LUC7L2: variants seen among roughly 807,000 people sequenced by gnomAD.
LUC7L2 encodes putative RNA-binding protein Luc7-like 2.
Under a neutral mutation model 52.8 loss-of-function variants are expected in LUC7L2, and 25 were observed. That is an observed-to-expected ratio of 0.47 (90% CI 0.34 to 0.66). The LOEUF (loss-of-function observed/expected upper bound fraction) is 0.66, where lower values mean the gene tolerates loss of function less well. Ranked by LOEUF, LUC7L2 falls within the 30% of genes least tolerant of loss-of-function variation. LUC7L2 has a pLI of 0.01. For missense variants in LUC7L2, 328 were observed against 497.8 expected, an observed-to-expected ratio of 0.66 and a Z score of 3.25; for synonymous variants, 144 against 160.9, an observed-to-expected ratio of 0.89 and a Z score of 0.80.
intron 1 of LUC7L2, among the ~76,000 whole-genome samples, chr7:139,369,779 T>A (rs1479086206): frequency 6.6e-6 from 1 of 152,234 alleles, no homozygotes. Flanking sequence ...CATCACATTT[T>A]AAAAATGTTT....
intron 1 of LUC7L2, among the ~76,000 whole-genome samples, chr7:139,363,870 C>G (rs932135396): frequency 5.4e-4 from 81 of 149,056 alleles, no homozygotes; most frequent in African/African-American, 1.9e-3. Context: ...CCTTTGCCAA[C>G]AAACACAGTT....
intron 7 of LUC7L2, among the ~76,000 whole-genome samples, chr7:139,411,806 G>A (rs756993529): frequency 6.6e-5 from 10 of 152,116 alleles, no homozygotes; most frequent in Non-Finnish European, 1.5e-4. Context: ...TGAGGTTGTA[G>A]CTCCAAGAGT....
intron 5 of LUC7L2, among the ~76,000 whole-genome samples, chr7:139,406,641 A>G (rs900975421): frequency 6.6e-6 from 1 of 152,094 alleles, no homozygotes; most frequent in African/African-American, 2.4e-5. Flanking sequence ...GGCGTGAGCC[A>G]CCCGGCCTGG....
chr7:139,385,828 A>T (rs1794170851), intron 2 of LUC7L2, among the ~76,000 whole-genome samples: 1 of 152,108 alleles, frequency 6.6e-6, no homozygotes, highest in Non-Finnish European at 1.5e-5. Context: ...TATTTCCTGG[A>T]CCCTCCAGAT....
chr7:139,377,660 G>A (rs1033991999), intron 2 of LUC7L2, among the ~76,000 whole-genome samples: 12 of 152,022 alleles, frequency 7.9e-5, no homozygotes, highest in African/African-American at 2.9e-4. Context: ...CCAAAGTACT[G>A]GGATTACAGG....
In LUC7L2 at chr7:139,423,360, A is replaced by T. The variant is rs1795975622; in HGVS notation, c.*1020A>T. ...TCCAGCCACTTCAGGGTTGTTTGTAATGACCGTTATAGAGAAGGGCTCGAC... is the reference window on the plus strand; with the variant it reads ...TCCAGCCACTTCAGGGTTGTTTGTATTGACCGTTATAGAGAAGGGCTCGAC... On this transcript the variant is annotated 3_prime_UTR_variant, in exon 10 of 10. Coordinates refer to ENST00000354926, the MANE Select transcript of LUC7L2 (RefSeq NM_016019.5). 2.5e-6 allele frequency: 1 copy of T among 398,852 alleles called. No homozygotes were observed. The highest frequency in any genetic ancestry group is 2.1e-5 in the African/African-American group (1 of 48,626). The allele number at this position is 398,852 out of a possible 1,614,324, so 24.7% of individuals were successfully genotyped here. A position where few individuals can be genotyped will look rare whatever the true frequency, so the allele number is the denominator to read the frequency against.
intron 1 of LUC7L2, among the ~76,000 whole-genome samples, chr7:139,361,269 C>T (rs1257200415): frequency 1.3e-5 from 2 of 152,172 alleles, no homozygotes; most frequent in Non-Finnish European, 2.9e-5. Context: ...CTTAACACAG[C>T]AAAATCCTTG....
At chr7:139,359,456 A>T (rs1169868173), upstream of LUC7L2, 4 of 175,832 alleles carry the variant, frequency 2.3e-5, no homozygotes, top group East Asian at 4.6e-4. Flanking sequence ...GCGCACGAGA[A>T]CCAGGACGCG....
At chr7:139,374,796 T>G in intron 1 of LUC7L2, 1 of 1,119,214 alleles carries the variant, frequency 8.9e-7, no homozygotes, top group Non-Finnish European at 1.1e-6. Context: ...CTAAAAATGA[T>G]AGTGTTTAGT....
Position 139,405,638 on chromosome 7 carries a change from T to C in LUC7L2, c.367-6T>C. 3 of 1,582,694 alleles carry C rather than the reference T, an allele frequency of 1.9e-6. No homozygotes were observed. Among genetic ancestry groups the C allele is most frequent in the Middle Eastern group, 3.4e-4 (2 of 5,906 alleles). On this transcript the variant is annotated splice_region_variant and splice_polypyrimidine_tract_variant and intron_variant, in intron 4 of 9. Coordinates refer to ENST00000354926, the MANE Select transcript of LUC7L2 (RefSeq NM_016019.5). Reference sequence around the variant, plus strand: ...ATTCATGATCTTCTTTTTTATTTCTTTTTAGGCAGAACGTGTTCATGAGTT... The same window carrying C: ...ATTCATGATCTTCTTTTTTATTTCTCTTTAGGCAGAACGTGTTCATGAGTT...
chr7:139,367,716 C>T (rs1003694417), intron 1 of LUC7L2, among the ~76,000 whole-genome samples: 6 of 152,316 alleles, frequency 3.9e-5, no homozygotes, highest in African/African-American at 1.2e-4. Context: ...GACAGAAATA[C>T]AAGCCTGTGA....
chr7:139,390,268 AT>A (rs1204945322), intron 2 of LUC7L2, among the ~76,000 whole-genome samples: 2 of 126,280 alleles, frequency 1.6e-5, no homozygotes, highest in Admixed American at 8.1e-5. Context: ...TTTTATTTTT[AT>A]TTTTTTTGGA....
rs1799785482 is a variant in LUC7L2 at position 139,360,115 on chromosome 7, C to T, written c.-147C>T. On this transcript the variant is annotated 5_prime_UTR_variant, in exon 1 of 10. Coordinates refer to ENST00000354926, the MANE Select transcript of LUC7L2 (RefSeq NM_016019.5). Reference sequence around the variant, plus strand: ...GCGCAGTCCGGACTCTTCCCGCAACCCCTCCGGCTCCCTTTCCGCACGCCT... The same window carrying T: ...GCGCAGTCCGGACTCTTCCCGCAACTCCTCCGGCTCCCTTTCCGCACGCCT... 5.0e-6 allele frequency: 3 copies of T among 596,756 alleles called. No homozygotes were observed. The highest frequency in any genetic ancestry group is 1.9e-5 in the African/African-American group (1 of 51,626). The allele number at this position is 596,756 out of a possible 1,614,324, so 37.0% of individuals were successfully genotyped here. A position where few individuals can be genotyped will look rare whatever the true frequency, so the allele number is the denominator to read the frequency against.
intron 1 of LUC7L2, among the ~76,000 whole-genome samples, chr7:139,340,898 ATC>A (rs1284612075): frequency 6.6e-6 from 1 of 151,700 alleles, no homozygotes; most frequent in African/African-American, 2.4e-5. Flanking sequence ...ATTTTCGAGA[ATC>A]TGCACACACC....
intron 2 of LUC7L2, among the ~76,000 whole-genome samples, chr7:139,389,131 G>A (rs965083235): frequency 2.7e-5 from 4 of 150,590 alleles, no homozygotes; most frequent in African/African-American, 4.9e-5. Flanking sequence ...TTTGACCCCA[G>A]TGGCTTTATT....
At chr7:139,359,860 C>T (rs1232690466), upstream of LUC7L2, 2 of 409,880 alleles carry the variant, frequency 4.9e-6, no homozygotes, top group East Asian at 7.1e-5. Flanking sequence ...GGTGGAGCCC[C>T]CGCGGGAAAC....
At chr7:139,353,433 C>A (rs745829534) in intron 1 of LUC7L2, among the ~76,000 whole-genome samples, 1 of 151,934 alleles carries the variant, frequency 6.6e-6, no homozygotes, top group Non-Finnish European at 1.5e-5. Context: ...ATTTTGTTAC[C>A]CTCTGAGACC....
chr7:139,360,237 CCCGT>C lies in LUC7L2; in HGVS notation c.-21_-18del, dbSNP rs750417600. The C allele has an allele frequency of 2.2e-5, 34 of 1,543,458 alleles. No homozygotes were observed. The highest frequency in any genetic ancestry group is 2.9e-5 in the Non-Finnish European group (33 of 1,143,996). On this transcript the variant is annotated 5_prime_UTR_variant, in exon 1 of 10. Coordinates refer to ENST00000354926, the MANE Select transcript of LUC7L2 (RefSeq NM_016019.5). Reference sequence around the variant, plus strand: ...GGGCCCGGTCTGCGCCCCACCCCCGCCCGTCCGCCCGCTACGCCGCCGCCATGTC... The same window carrying C: ...GGGCCCGGTCTGCGCCCCACCCCCGCCCGCCCGCTACGCCGCCGCCATGTC...
intron 2 of LUC7L2, among the ~76,000 whole-genome samples, chr7:139,388,817 C>G (rs958058823): frequency 7.9e-5 from 12 of 151,908 alleles, no homozygotes; most frequent in Non-Finnish European, 1.5e-4. Context: ...TGAAGAGACT[C>G]CTGACTTTTT....
Sources: gnomAD v4.1 joint callset for allele counts (sites outside exome capture counted in the v4.1 genomes callset) on GRCh38, gnomAD v4.1.1 for gene constraint, MANE v1.5 for transcripts, NCBI Gene and HGNC (gene_info 2026-07-23, HGNC 2026-07-21) for gene names.